Variants in DST observed in about 807,000 individuals in gnomAD.
The protein encoded by DST is bullous pemphigoid antigen.
A neutral mutation model predicts 875.2 loss-of-function variants in DST; 253 were observed. The ratio of observed to expected loss-of-function variants is 0.29; its 90% CI spans 0.26 to 0.32. The LOEUF is 0.32. DST is among the 10% of genes least tolerant of loss of function. The pLI is 1.00. For missense variants in DST, 8,287 were observed against 9,111.6 expected, an observed-to-expected ratio of 0.91 and a Z score of 3.68; for synonymous variants, 3,124 against 3,197.1, an observed-to-expected ratio of 0.98 and a Z score of 0.77.
intron 5 of DST, among the ~76,000 whole-genome samples, chr6:56,717,619 T>G (rs1158239565): frequency 6.6e-6 from 1 of 152,188 alleles, no homozygotes; most frequent in Non-Finnish European, 1.5e-5. Flanking sequence ...GAAGCTAATA[T>G]GGCCTTTTGA....
intron 5 of DST, among the ~76,000 whole-genome samples, chr6:56,707,967 A>C (rs936316695): frequency 2.0e-5 from 3 of 152,192 alleles, no homozygotes; most frequent in African/African-American, 7.2e-5. Context: ...CAGGAGTTTA[A>C]GACCAACCTG....
intron 4 of DST, among the ~76,000 whole-genome samples, chr6:56,770,950 G>T (rs903031092): frequency 6.8e-6 from 1 of 147,168 alleles, no homozygotes; most frequent in Non-Finnish European, 1.5e-5. Context: ...CGTGAGCCAA[G>T]ATCACACCAT....
Position 56,517,246 on chromosome 6 carries a change from C to A in DST, c.18309G>T (p.Gly6103=). 1.2e-6 allele frequency: 2 copies of A among 1,613,096 alleles called. No homozygotes were observed. The highest frequency in any genetic ancestry group is 1.7e-6 in the Non-Finnish European group (2 of 1,179,560). The change falls in exon 71 of 104, where the codon GGG becomes GGT. Residue 6103 remains glycine (G), a synonymous_variant. Transcript: ENST00000680361. ...KDIIDDLVKS[G]HKIMTACSEE... ...CACTGCATGCGGTCATGATTTTATG[C>A]CCAGATTTAACAAGGTCATCAATAA... is the stretch of plus-strand genomic sequence containing the variant.
At chr6:56,936,175 A>G (rs1812915938) in intron 2 of DST, among the ~76,000 whole-genome samples, 1 of 152,200 alleles carries the variant, frequency 6.6e-6, no homozygotes, top group African/African-American at 2.4e-5. Context: ...GAAAAGTAAC[A>G]AGCTTGAAGT....
chr6:56,482,325 T>C (rs1000407820), intron 89 of DST, 147 bp from the exon 90 acceptor site: 4 of 918,158 alleles, frequency 4.4e-6, no homozygotes, highest in Admixed American at 3.4e-5. Flanking sequence ...ATTAAGAAGA[T>C]AGAGATACAC....
At chr6:56,856,991 G>A (rs1455390128) in intron 3 of DST, among the ~76,000 whole-genome samples, 1 of 151,196 alleles carries the variant, frequency 6.6e-6, no homozygotes, top group African/African-American at 2.4e-5. Context: ...TCAAAATGAA[G>A]AATTGAGGGG....
intron 10 of DST, among the ~76,000 whole-genome samples, chr6:56,657,197 G>A (rs975994031): frequency 2.6e-5 from 4 of 151,914 alleles, no homozygotes; most frequent in East Asian, 1.9e-4. Context: ...ATTATATAAC[G>A]ACACAAACAA....
intron 4 of DST, among the ~76,000 whole-genome samples, chr6:56,770,610 T>A (rs1329815537): frequency 1.3e-5 from 2 of 152,124 alleles, no homozygotes; most frequent in East Asian, 3.9e-4. Flanking sequence ...TGCAACATAA[T>A]AAGGGTTTGA....
rs747152738 is a variant in DST at position 56,501,616 on chromosome 6, T to C, written c.19644A>G (p.Lys6548=). ...TGTGTTTGTCACTCTCTTCTGTTAC[T>C]TTCTTTAGCAAAAGCTCTGCTTGAT... is the stretch of plus-strand genomic sequence containing the variant. ...LNHQAELLLK[K]VTEESDKHTV... The change falls in exon 79 of 104, where the codon AAA becomes AAG. Residue 6548 remains lysine, a synonymous_variant. Transcript: ENST00000680361. 2.5e-6 allele frequency: 4 copies of C among 1,609,372 alleles called. No individual in the cohort carries two copies. In the South Asian group the frequency reaches 3.3e-5, roughly 13 times the overall value.
At chr6:56,626,558 G>A (rs1301340559) in intron 34 of DST, among the ~76,000 whole-genome samples, 2 of 152,018 alleles carry the variant, frequency 1.3e-5, no homozygotes, top group African/African-American at 2.4e-5. Context: ...TACAATGTTC[G>A]CACAATGAAA....
intron 9 of DST, among the ~76,000 whole-genome samples, chr6:56,688,010 C>T (rs2099200242): frequency 6.6e-6 from 1 of 152,130 alleles, no homozygotes; most frequent in African/African-American, 2.4e-5. Flanking sequence ...GGAAAGGCTA[C>T]CTTTTTTTGT....
At position 56,663,717 on chromosome 6, in the gene DST, T is replaced by C. The variant is rs143551357; in HGVS notation, c.1214+6924A>G. Among the ~76,000 whole-genome samples the C allele has an allele frequency of 9.8e-5, 15 of 152,336 alleles. 2 individuals carry two copies. Among genetic ancestry groups the C allele is most frequent in the African/African-American group, 3.6e-4 (15 of 41,584 alleles). On this transcript the variant is annotated intron_variant, in intron 10 of 103. Coordinates refer to ENST00000680361, the MANE Select transcript of DST (RefSeq NM_001374736.1). ...CAATTACAGCATCTTTAAACTTTAA[T>C]ATAATGAAATATGATGGCCCTATTA...
chr6:56,592,467 T>C, intron 48 of DST, 109 bp from the exon 49 acceptor site: 1 of 907,466 alleles, frequency 1.1e-6, no homozygotes, highest in Non-Finnish European at 1.6e-6. Flanking sequence ...AAACCAGACT[T>C]CCACCAAAGT....
rs553438023 is a variant in DST, at chr6:56,536,694, G to A, written c.16770+85C>T. ...CAGTAGACATATTTAGAAAAGTTTG[G>A]CTACCACAAATATGATTCATGGTCA... On this transcript the variant is annotated intron_variant, in intron 62 of 103. Coordinates refer to ENST00000680361, the MANE Select transcript of DST (RefSeq NM_001374736.1). The A allele has an allele frequency of 1.5e-5, 20 of 1,325,206 alleles. No homozygotes were observed. The African/African-American group carries it at 2.8e-4, about 19-fold the overall frequency. 82.1% of individuals were successfully genotyped at this position (1,325,206 alleles called of 1,614,324 possible).
chr6:56,613,287 T>C (rs886560771), intron 37 of DST, among the ~76,000 whole-genome samples: 2 of 152,182 alleles, frequency 1.3e-5, no homozygotes, highest in Non-Finnish European at 2.9e-5. Flanking sequence ...ACATATATAG[T>C]ATGTAAGACT....
chr6:56,527,408 T>C, intron 68 of DST, 85 bp downstream of exon 68: 1 of 1,477,978 alleles, frequency 6.8e-7, no homozygotes, highest in Non-Finnish European at 9.0e-7. Context: ...TGTAATGACA[T>C]AAGACAAATA....
At chr6:56,514,574 C>T (rs959341504) in intron 72 of DST, among the ~76,000 whole-genome samples, 5 of 116,132 alleles carry the variant, frequency 4.3e-5, no homozygotes, top group South Asian at 6.0e-4. Context: ...TGGGCACAGG[C>T]GTATACACAC....
intron 9 of DST, among the ~76,000 whole-genome samples, chr6:56,696,977 G>C (rs1263211451): frequency 6.6e-6 from 1 of 152,006 alleles, no homozygotes; most frequent in Non-Finnish European, 1.5e-5. Flanking sequence ...GTGATCACTT[G>C]TGTAGTGATA....
At chr6:56,871,231 C>T (rs1206071632) in intron 3 of DST, 2 of 769,762 alleles carry the variant, frequency 2.6e-6, no homozygotes, top group Non-Finnish European at 4.8e-6. Flanking sequence ...CACACAAAGT[C>T]ATGCAAATCA....
Sources: gnomAD v4.1 joint callset for allele counts (sites outside exome capture counted in the v4.1 genomes callset) on GRCh38, gnomAD v4.1.1 for gene constraint, MANE v1.5 for transcripts, NCBI Gene and HGNC (gene_info 2026-07-23, HGNC 2026-07-21) for gene names.